Variants in ANO1 observed in about 807,000 individuals in gnomAD.
ANO1 encodes anoctamin 1.
Under a neutral mutation model 124.0 loss-of-function variants are expected in ANO1, and 59 were observed. That is an observed-to-expected ratio of 0.48 (90% CI 0.39 to 0.59). ANO1 has a LOEUF of 0.59. ANO1 is among the 20% of genes least tolerant of loss of function. The pLI, the probability that ANO1 is intolerant of heterozygous loss-of-function variation, is 0.00. For synonymous variants in ANO1, 529 were observed against 532.0 expected (o/e 0.99, Z 0.08); for missense variants, 1,059 against 1,328.0 (o/e 0.80, Z 3.15).
intron 1 of ANO1, among the ~76,000 whole-genome samples, chr11:70,060,927 A>G (rs1591065378): frequency 6.6e-6 from 1 of 152,160 alleles, no homozygotes; most frequent in African/African-American, 2.4e-5. Flanking sequence ...AGGAATGGGG[A>G]AAAAACTTAG....
intron 19 of ANO1, 170 bp from the exon 20 acceptor site, chr11:70,165,300 G>A (rs1353258837): frequency 1.6e-6 from 1 of 624,400 alleles, no homozygotes; most frequent in Non-Finnish European, 2.8e-6. Flanking sequence ...CATTTGCAAA[G>A]ACCCTTTTTG....
intron 1 of ANO1, among the ~76,000 whole-genome samples, chr11:69,997,431 C>T (rs568817187): frequency 6.6e-5 from 10 of 152,272 alleles, no homozygotes; most frequent in Admixed American, 3.9e-4. Context: ...GGAGTGAGCC[C>T]CAGGACCATG....
At chr11:70,111,796 T>A (rs1015396792) in intron 7 of ANO1, 34 bp downstream of exon 7, 2 of 1,611,000 alleles carry the variant, frequency 1.2e-6, no homozygotes, top group Non-Finnish European at 8.5e-7. Flanking sequence ...TATCTCTGCG[T>A]CATTTGACTC....
chr11:69,992,972 A>G (rs1856184550), intron 1 of ANO1, among the ~76,000 whole-genome samples: 1 of 152,206 alleles, frequency 6.6e-6, no homozygotes. Context: ...GGACCCACAC[A>G]TACAGTAGAT....
intron 10 of ANO1, among the ~76,000 whole-genome samples, chr11:70,129,911 G>A (rs1316547664): frequency 6.6e-6 from 1 of 152,146 alleles, no homozygotes; most frequent in Non-Finnish European, 1.5e-5. Context: ...ATGAGCCACC[G>A]TGCCTGGCCC....
intron 9 of ANO1, among the ~76,000 whole-genome samples, chr11:70,124,897 T>C (rs569485469): frequency 1.3e-5 from 2 of 152,202 alleles, no homozygotes; most frequent in South Asian, 2.1e-4. Context: ...TGAGGAGCAA[T>C]TGGTTTTCTT....
intron 16 of ANO1, among the ~76,000 whole-genome samples, chr11:70,157,366 CAAAAA>C (rs529445782): frequency 2.0e-5 from 2 of 98,112 alleles, no homozygotes; most frequent in African/African-American, 8.3e-5. Context: ...GACTCTGTCT[CAAAAA>C]AAAAAAAAAA....
the ANO1 span, among the ~76,000 whole-genome samples, chr11:69,978,443 A>T: frequency 1.3e-5 from 2 of 152,128 alleles, no homozygotes; most frequent in Admixed American, 1.3e-4. Flanking sequence ...CTTGACCTCC[A>T]GGGCTCAGGT....
intron 1 of ANO1, among the ~76,000 whole-genome samples, chr11:70,049,599 T>G (rs1462903358): frequency 6.6e-6 from 1 of 152,132 alleles, no homozygotes; most frequent in Non-Finnish European, 1.5e-5. Context: ...AAGGTAATGG[T>G]GGGGATAACT....
chr11:69,998,046 C>G (rs1554998675), intron 1 of ANO1, among the ~76,000 whole-genome samples: 2 of 152,194 alleles, frequency 1.3e-5, no homozygotes, highest in Non-Finnish European at 1.5e-5. Context: ...CCTCCTCATT[C>G]TCTTGGCTTA....
rs749354018 is a variant in ANO1, at chr11:70,088,003, C to G, written c.360C>G (p.His120Gln). ...CGGGGGAGCCCCCGATGGACTACCA[C>G]GAGGATGACAAGCGCTTCCGCAGGG... ...AGSGEPPMDY[H>Q]EDDKRFRREE... is the part of the protein sequence containing the mutation. Residue 120 changes from histidine to glutamine, a missense_variant, in exon 2 of 26, where the codon CAC becomes CAG. Physicochemically the swap from His to Gln is conservative, Grantham distance 24. Transcript: ENST00000355303. 3.4e-5 allele frequency: 53 copies of G among 1,551,932 alleles called. 1 individual carries two copies. The South Asian group carries it at 6.1e-4, about 18-fold the overall frequency.
At chr11:70,153,579 A>T (rs1368978567) in intron 14 of ANO1, among the ~76,000 whole-genome samples, 1 of 152,232 alleles carries the variant, frequency 6.6e-6, no homozygotes, top group Non-Finnish European at 1.5e-5. Context: ...GCAAATGGCC[A>T]GTTCCTTGTT....
At chr11:70,103,394 C>G (rs1362272503) in intron 3 of ANO1, among the ~76,000 whole-genome samples, 1 of 152,026 alleles carries the variant, frequency 6.6e-6, no homozygotes, top group African/African-American at 2.4e-5. Flanking sequence ...TTTAGAGACC[C>G]CAGACCAAAC....
intron 1 of ANO1, among the ~76,000 whole-genome samples, chr11:69,994,110 C>CT (rs56843023): frequency 6.6e-6 from 1 of 151,562 alleles, no homozygotes; most frequent in Non-Finnish European, 1.5e-5. Context: ...TTAACCCCCC[C>CT]CCACAGTCAC....
chr11:69,983,569 AGGGTGCTCC>A (rs782622372), upstream of ANO1, among the ~76,000 whole-genome samples: 139 of 152,282 alleles, frequency 9.1e-4, no homozygotes, highest in Middle Eastern at 3.4e-3. Flanking sequence ...GAAAATAAGC[AGGGTGCTCC>A]GGGTGCTCCT....
At chr11:70,028,620 C>G (rs1856950227) in intron 1 of ANO1, among the ~76,000 whole-genome samples, 1 of 152,086 alleles carries the variant, frequency 6.6e-6, no homozygotes. Context: ...CCACCACACC[C>G]CAGAGCTGAA....
At chr11:70,096,287 GC>G (rs1293763665) in intron 2 of ANO1, among the ~76,000 whole-genome samples, 1 of 152,176 alleles carries the variant, frequency 6.6e-6, no homozygotes, top group African/African-American at 2.4e-5. Context: ...GGCTGTAGGG[GC>G]CAGAGCTTCT....
At chr11:69,999,946 C>A (rs1856350018) in intron 1 of ANO1, among the ~76,000 whole-genome samples, 1 of 152,032 alleles carries the variant, frequency 6.6e-6, no homozygotes, top group Non-Finnish European at 1.5e-5. Flanking sequence ...GGAAGGGAGG[C>A]CCCAAAGAGT....
At position 70,132,652 on chromosome 11, in the gene ANO1, T is replaced by G. The variant is rs1288167364; in HGVS notation, c.1258+573T>G. ...GCACTGGCCTCCTCCTCCAGGAAGATTCCCTAACCCCAGTCCTACCCGACT... is the reference window on the plus strand; with the variant it reads ...GCACTGGCCTCCTCCTCCAGGAAGAGTCCCTAACCCCAGTCCTACCCGACT... On this transcript the variant is annotated intron_variant, in intron 11 of 25. Transcript: ENST00000355303. Among the ~76,000 whole-genome samples, 3 of 152,302 alleles carry G rather than the reference T, an allele frequency of 2.0e-5. No homozygotes were observed. In the East Asian group the frequency reaches 5.8e-4, roughly 29 times the overall value.
Sources: allele counts gnomAD v4.1 joint callset (sites outside exome capture counted in the v4.1 genomes callset), GRCh38; gene constraint gnomAD v4.1.1; transcripts MANE v1.5; gene names NCBI Gene and HGNC (gene_info 2026-07-23, HGNC 2026-07-21).